Variants in TRHDE observed in about 807,000 individuals in gnomAD.
TRHDE encodes the protein thyrotropin releasing hormone degrading enzyme.
Under a neutral mutation model 125.7 loss-of-function variants are expected in TRHDE, and 72 were observed. That is an observed-to-expected ratio of 0.57 (90% confidence interval 0.47 to 0.70). The LOEUF (loss-of-function observed/expected upper bound fraction) is 0.70. Ranked by LOEUF, TRHDE falls within the 30% of genes least tolerant of loss-of-function variation. The pLI is 0.00. For synonymous variants in TRHDE, 509 were observed against 509.1 expected, an observed-to-expected ratio of 1.00 and a Z score of 0.00; for missense variants, 1,110 against 1,327.1, an observed-to-expected ratio of 0.84 and a Z score of 2.54.
At chr12:72,275,548 T>C (rs974200547) in intron 1 of TRHDE, among the ~76,000 whole-genome samples, 2 of 152,240 alleles carry the variant, frequency 1.3e-5, no homozygotes, top group Non-Finnish European at 2.9e-5. Flanking sequence ...TTGCATACTA[T>C]GTTTAGGAAC....
At chr12:72,438,467 T>C (rs746007196) in intron 3 of TRHDE, among the ~76,000 whole-genome samples, 1 of 151,890 alleles carries the variant, frequency 6.6e-6, no homozygotes, top group African/African-American at 2.4e-5. Context: ...TGATAGCCAT[T>C]CTAAGAGGTA....
chr12:72,481,437 G>A (rs534345978), intron 5 of TRHDE, among the ~76,000 whole-genome samples: 18 of 149,656 alleles, frequency 1.2e-4, no homozygotes, highest in Middle Eastern at 3.6e-3. Context: ...TCCTTTATCC[G>A]TTTTAATAGT....
At chr12:72,278,389 C>T (rs1482257339) in intron 1 of TRHDE, among the ~76,000 whole-genome samples, 1 of 152,120 alleles carries the variant, frequency 6.6e-6, no homozygotes, top group African/African-American at 2.4e-5. Flanking sequence ...AATAATGCTG[C>T]AATAAACATG....
chr12:72,374,923 G>A (rs1871804659), intron 2 of TRHDE, among the ~76,000 whole-genome samples: 2 of 152,266 alleles, frequency 1.3e-5, no homozygotes, highest in African/African-American at 2.4e-5. Flanking sequence ...TGGTTTGGCT[G>A]TTAACTGACA....
intron 2 of TRHDE, among the ~76,000 whole-genome samples, chr12:72,134,324 C>T (rs574009525): frequency 6.6e-5 from 10 of 151,788 alleles, no homozygotes; most frequent in South Asian, 2.1e-4. Context: ...TCTATTGCCC[C>T]GGCTGGAGAA....
chr12:72,425,932 A>T (rs1041277108), intron 3 of TRHDE, among the ~76,000 whole-genome samples: 1 of 151,998 alleles, frequency 6.6e-6, no homozygotes, highest in African/African-American at 2.4e-5. Context: ...AAACTCATAT[A>T]TATATATAAT....
At chr12:72,512,758 G>T (rs1346005035) in intron 6 of TRHDE, among the ~76,000 whole-genome samples, 1 of 149,960 alleles carries the variant, frequency 6.7e-6, no homozygotes, top group Non-Finnish European at 1.5e-5. Flanking sequence ...GGATAAATAA[G>T]CAGGCAACTA....
At chr12:72,333,697 G>C (rs573096783) in intron 2 of TRHDE, among the ~76,000 whole-genome samples, 6 of 152,274 alleles carry the variant, frequency 3.9e-5, no homozygotes, top group South Asian at 2.1e-4. Context: ...TTCTAAAGAT[G>C]GAAATGGGGA....
intron 3 of TRHDE, among the ~76,000 whole-genome samples, chr12:72,427,745 G>T (rs1274844049): frequency 2.0e-5 from 3 of 152,142 alleles, no homozygotes; most frequent in Non-Finnish European, 2.9e-5. Flanking sequence ...AGAATAATCT[G>T]CCATCTGAGA....
chr12:72,226,830 T>C (rs1218008863), intron 2 of TRHDE, among the ~76,000 whole-genome samples: 3 of 152,218 alleles, frequency 2.0e-5, no homozygotes, highest in Admixed American at 1.3e-4. Flanking sequence ...CAGATTTTTG[T>C]TACGATTCTA....
chr12:72,327,288 A>C (rs1417145148), intron 2 of TRHDE, among the ~76,000 whole-genome samples: 3 of 152,166 alleles, frequency 2.0e-5, no homozygotes, highest in African/African-American at 7.2e-5. Flanking sequence ...TAGGACTTCT[A>C]CTAAGAAAAT....
intron 3 of TRHDE, among the ~76,000 whole-genome samples, chr12:72,424,987 A>G (rs542191176): frequency 9.4e-4 from 143 of 152,308 alleles, no homozygotes; most frequent in South Asian, 7.2e-3. Context: ...ATGTGCTATG[A>G]AACCATTTTA....
At chr12:72,366,674 A>G (rs1229892552) in intron 2 of TRHDE, among the ~76,000 whole-genome samples, 1 of 152,068 alleles carries the variant, frequency 6.6e-6, no homozygotes, top group Non-Finnish European at 1.5e-5. Flanking sequence ...AACCTACAAA[A>G]TAAGGGCCAT....
intron 2 of TRHDE, among the ~76,000 whole-genome samples, chr12:72,360,890 A>T (rs1243322384): frequency 6.6e-6 from 1 of 151,666 alleles, no homozygotes; most frequent in Non-Finnish European, 1.5e-5. Flanking sequence ...ACATAGGTAA[A>T]CGTGTGCTGG....
intron 5 of TRHDE, among the ~76,000 whole-genome samples, chr12:72,476,641 T>A (rs1357667356): frequency 6.6e-6 from 1 of 152,200 alleles, no homozygotes; most frequent in Admixed American, 6.5e-5. Context: ...GAAGTTGACC[T>A]CTTTTGCCAT....
intron 2 of TRHDE, among the ~76,000 whole-genome samples, chr12:72,348,963 A>G (rs1186182288): frequency 2.6e-5 from 4 of 151,324 alleles, no homozygotes; most frequent in Non-Finnish European, 4.4e-5. Flanking sequence ...TTGTTTCCCT[A>G]TTTCATGGTT....
At chr12:72,380,875 CTTCT>C (rs906957255) in intron 3 of TRHDE, among the ~76,000 whole-genome samples, 46 of 140,652 alleles carry the variant, frequency 3.3e-4, no homozygotes, top group Non-Finnish European at 3.1e-5. Flanking sequence ...CTCTCTCTCT[CTTCT>C]TTCTTTCTTC....
intron 5 of TRHDE, among the ~76,000 whole-genome samples, chr12:72,494,348 G>T (rs1033818366): frequency 6.6e-6 from 1 of 151,954 alleles, no homozygotes; most frequent in Admixed American, 6.6e-5. Flanking sequence ...TTTTTCTTCT[G>T]CTTTCTCCAT....
At chr12:72,425,943 T>C (rs912793138) in intron 3 of TRHDE, among the ~76,000 whole-genome samples, 1 of 150,968 alleles carries the variant, frequency 6.6e-6, no homozygotes, top group Admixed American at 6.6e-5. Context: ...TATATATAAT[T>C]ACAAAAGGTC....
Sources: gnomAD v4.1 joint callset for allele counts (sites outside exome capture counted in the v4.1 genomes callset) on GRCh38, gnomAD v4.1.1 for gene constraint, MANE v1.5 for transcripts, NCBI Gene and HGNC (gene_info 2026-07-23, HGNC 2026-07-21) for gene names.